Variants in BRD10 observed in about 807,000 individuals in gnomAD.
BRD10 encodes uncharacterized bromodomain-containing protein 10.
chr9:5,942,094 T>C, the BRD10 span, among the ~76,000 whole-genome samples: 1 of 152,148 alleles, frequency 6.6e-6, no homozygotes, highest in Non-Finnish European at 1.5e-5. Context: ...ATGTTGATAA[T>C]AAAAGAATTG....
chr9:5,990,475 C>A, the BRD10 span, among the ~76,000 whole-genome samples: 1 of 152,006 alleles, frequency 6.6e-6, no homozygotes, highest in Non-Finnish European at 1.5e-5. Context: ...AGTTATATGG[C>A]TAAATTGTTA....
the BRD10 span, among the ~76,000 whole-genome samples, chr9:5,951,441 G>A: frequency 6.6e-6 from 1 of 152,000 alleles, no homozygotes; most frequent in Admixed American, 6.6e-5. Context: ...TTACAAAAGG[G>A]ATCTATTATC....
At chr9:6,008,079 C>T in the BRD10 span, 1 of 984,072 alleles carries the variant, frequency 1.0e-6, no homozygotes, top group South Asian at 4.7e-5. Context: ...CCGGCCTCAC[C>T]CCTCCGCACC....
chr9:5,989,176 G>A, the BRD10 span, among the ~76,000 whole-genome samples: 2 of 144,392 alleles, frequency 1.4e-5, no homozygotes, highest in South Asian at 4.5e-4. Flanking sequence ...AGGTTGTGGT[G>A]AGCCGAGATC....
At chr9:5,923,409 G>A in the BRD10 span, 2 of 902,526 alleles carry the variant, frequency 2.2e-6, no homozygotes, top group South Asian at 3.6e-5. Flanking sequence ...AGCTGGCAGT[G>A]TATTAAGAAA....
chr9:5,999,929 G>A, the BRD10 span, among the ~76,000 whole-genome samples: 1 of 152,048 alleles, frequency 6.6e-6, no homozygotes, highest in Non-Finnish European at 1.5e-5. Context: ...TGAACACTGT[G>A]TCCATCCCTT....
the BRD10 span, among the ~76,000 whole-genome samples, chr9:5,902,447 C>A: frequency 6.6e-6 from 1 of 151,444 alleles, no homozygotes; most frequent in African/African-American, 2.4e-5. Flanking sequence ...ACTCTACTGA[C>A]TTTTTTTTCT....
At chr9:5,894,757 C>T in the BRD10 span, among the ~76,000 whole-genome samples, 2 of 152,120 alleles carry the variant, frequency 1.3e-5, no homozygotes, top group Non-Finnish European at 2.9e-5. This position sits in a 1 kb window ranked among gnomAD's most constrained non-coding sequence, Gnocchi z 4.0. Context: ...CTTGATGCCC[C>T]AGGTTTGTAG....
chr9:5,989,258 AAAAATC>A, the BRD10 span, among the ~76,000 whole-genome samples: 1 of 145,424 alleles, frequency 6.9e-6, no homozygotes, highest in African/African-American at 2.5e-5. Context: ...AAAAAAAAAA[AAAAATC>A]CAAAAATTAG....
At chr9:5,929,361 A>C in the BRD10 span, among the ~76,000 whole-genome samples, 1 of 152,226 alleles carries the variant, frequency 6.6e-6, no homozygotes, top group Non-Finnish European at 1.5e-5. Flanking sequence ...GAGAAATCTG[A>C]AACCTGTTTC....
At chr9:5,970,216 AAAAATTGTTTT>A in the BRD10 span, among the ~76,000 whole-genome samples, 4 of 152,240 alleles carry the variant, frequency 2.6e-5, no homozygotes, top group East Asian at 7.7e-4. Context: ...AAAACTATGA[AAAAATTGTTTT>A]AAAATTGGGA....
the BRD10 span, among the ~76,000 whole-genome samples, chr9:5,916,659 G>C: frequency 2.5e-4 from 38 of 151,916 alleles, no homozygotes; most frequent in Non-Finnish European, 5.0e-4. Context: ...TGAGAGGAAA[G>C]GGAAGTGCTA....
At chr9:5,883,554 C>G in the BRD10 span, among the ~76,000 whole-genome samples, 1 of 142,478 alleles carries the variant, frequency 7.0e-6, no homozygotes, top group Middle Eastern at 4.0e-3. Context: ...CAACCTCATT[C>G]TTGTGGGCTC....
chr9:5,995,171 G>T, the BRD10 span, among the ~76,000 whole-genome samples: 1 of 152,182 alleles, frequency 6.6e-6, no homozygotes, highest in African/African-American at 2.4e-5. Flanking sequence ...AAATTGCTGG[G>T]ATTAGAGGCG....
the BRD10 span, chr9:5,908,643 C>A: frequency 2.5e-6 from 4 of 1,613,908 alleles, no homozygotes; most frequent in Non-Finnish European, 2.5e-6. Context: ...CTCACAGGTT[C>A]CCAATGCTCC....
At chr9:5,888,689 A>AGAACAATC in the BRD10 span, among the ~76,000 whole-genome samples, 1 of 152,256 alleles carries the variant, frequency 6.6e-6, no homozygotes, top group Non-Finnish European at 1.5e-5. Flanking sequence ...CGACCAGTTG[A>AGAACAATC]GAACAATCAT....
the BRD10 span, chr9:5,897,965 G>A: frequency 1.8e-5 from 5 of 284,474 alleles, no homozygotes; most frequent in African/African-American, 1.1e-4. Context: ...AAGATCTAGG[G>A]GCCACACCTG....
At chr9:5,922,838 G>A in the BRD10 span, 2 of 1,613,978 alleles carry the variant, frequency 1.2e-6, no homozygotes, top group Non-Finnish European at 1.7e-6. Flanking sequence ...GGTGTGGCAG[G>A]TCAATGCTGG....
chr9:5,946,667 C>A, the BRD10 span, among the ~76,000 whole-genome samples: 2 of 152,200 alleles, frequency 1.3e-5, no homozygotes, highest in African/African-American at 4.8e-5. Flanking sequence ...ACTTGGTGTA[C>A]TTGTTAATAT....
Sources: gnomAD v4.1 joint callset for allele counts (sites outside exome capture counted in the v4.1 genomes callset) on GRCh38, gnomAD v4.1.1 for gene constraint, Gnocchi (gnomAD v3.1) non-coding constraint, MANE v1.5 for transcripts, NCBI Gene and HGNC (gene_info 2026-07-23, HGNC 2026-07-21) for gene names.